The following RGS20 variants were observed in gnomAD, a reference collection of about 807,000 sequenced individuals.
RGS20 encodes regulator of G protein signaling 20.
Under a neutral mutation model 33.6 loss-of-function variants are expected in RGS20, and 30 were observed. The observed-to-expected ratio is 0.89, with a 90% CI of 0.67 to 1.21. The LOEUF is 1.21. Among genes scored for constraint, RGS20 ranks in the 50% most tolerant of loss-of-function variants. RGS20 has a pLI of 0.00. For missense variants in RGS20, 472 were observed against 502.4 expected, an observed-to-expected ratio of 0.94 and a Z score of 0.58; for synonymous variants, 208 against 197.9, an observed-to-expected ratio of 1.05 and a Z score of -0.43.
intron 5 of RGS20, among the ~76,000 whole-genome samples, chr8:53,957,331 T>C (rs1159143699): frequency 8.5e-5 from 13 of 152,204 alleles, no homozygotes; most frequent in African/African-American, 3.1e-4. Context: ...TTTTGCCATG[T>C]TGGCCAGGCT....
intron 2 of RGS20, among the ~76,000 whole-genome samples, chr8:53,922,747 G>A (rs997773802): frequency 3.3e-5 from 5 of 151,968 alleles, no homozygotes; most frequent in African/African-American, 9.7e-5. Flanking sequence ...ATCATAGCTC[G>A]AACTCCTGGG....
At chr8:53,910,297 C>T (rs1328489965) in intron 2 of RGS20, among the ~76,000 whole-genome samples, 1 of 152,102 alleles carries the variant, frequency 6.6e-6, no homozygotes, top group Admixed American at 6.6e-5. Flanking sequence ...TACCAAGACC[C>T]TCCACCAAGG....
At chr8:53,952,987 T>C (rs1814753918) in intron 4 of RGS20, among the ~76,000 whole-genome samples, 1 of 152,136 alleles carries the variant, frequency 6.6e-6, no homozygotes, top group Non-Finnish European at 1.5e-5. Context: ...ACATTATCAG[T>C]GCTGTTCTGG....
chr8:53,884,609 G>T (rs1197860816), intron 2 of RGS20, among the ~76,000 whole-genome samples: 2 of 152,174 alleles, frequency 1.3e-5, no homozygotes, highest in Non-Finnish European at 2.9e-5. Context: ...CTGGGCCAGA[G>T]ATCTCCAGCT....
intron 1 of RGS20, among the ~76,000 whole-genome samples, chr8:53,863,403 G>T (rs1242762850): frequency 6.6e-6 from 1 of 152,178 alleles, no homozygotes; most frequent in Non-Finnish European, 1.5e-5. Context: ...GGGCCCAAGA[G>T]CAGATGGGCT....
chr8:53,888,235 A>G (rs2129276825), intron 2 of RGS20, among the ~76,000 whole-genome samples: 2 of 152,338 alleles, frequency 1.3e-5, no homozygotes, highest in South Asian at 4.1e-4. Flanking sequence ...TTCAGTTGTT[A>G]GGACTGTTTA....
intron 2 of RGS20, among the ~76,000 whole-genome samples, chr8:53,914,120 T>G (rs1563392515): frequency 6.7e-6 from 1 of 148,982 alleles, no homozygotes. Flanking sequence ...AGCCTCAAAC[T>G]TCTGGGCTAA....
chr8:53,952,100 CAG>C (rs1334900341), intron 4 of RGS20, among the ~76,000 whole-genome samples: 1 of 145,228 alleles, frequency 6.9e-6, no homozygotes, highest in East Asian at 2.2e-4. Flanking sequence ...TTTTTTGAGA[CAG>C]AGTCTTACTC....
In RGS20 at chr8:53,856,616, G is replaced by A. The variant is rs1185288242; in HGVS notation, c.165+4552G>A. 2.6e-5 allele frequency among the ~76,000 whole-genome samples: 4 copies of A among 152,188 alleles called. 1 individual carries two copies. Among genetic ancestry groups the A allele is most frequent in the Admixed American group, 1.3e-4 (2 of 15,284 alleles). On this transcript the variant is annotated intron_variant, in intron 1 of 5. Coordinates refer to ENST00000297313, the MANE Select transcript of RGS20 (RefSeq NM_170587.4). ...TGAACTCTAGCCAGCAGTTTTTCTA[G>A]ACAATCGACATGAGGAAGAGAAAGC...
At chr8:53,911,022 G>A (rs1175976081) in intron 2 of RGS20, among the ~76,000 whole-genome samples, 7 of 152,136 alleles carry the variant, frequency 4.6e-5, no homozygotes, top group Non-Finnish European at 8.8e-5. Context: ...AAAGGCTGTG[G>A]ATAAAAAATC....
intron 2 of RGS20, among the ~76,000 whole-genome samples, chr8:53,893,323 A>G (rs1044833720): frequency 5.3e-5 from 8 of 152,146 alleles, no homozygotes; most frequent in African/African-American, 1.9e-4. Context: ...TCTTGAAAAA[A>G]AAATACTATA....
chr8:53,857,405 G>T (rs1301298739), intron 1 of RGS20, among the ~76,000 whole-genome samples: 1 of 152,138 alleles, frequency 6.6e-6, no homozygotes, highest in Non-Finnish European at 1.5e-5. Context: ...AAGACCTTGG[G>T]TATGCTCTTT....
intron 2 of RGS20, chr8:53,887,156 A>G (rs1812572757): frequency 6.2e-6 from 1 of 160,798 alleles, no homozygotes; most frequent in African/African-American, 2.4e-5. Context: ...ATTTTCATCC[A>G]CCTTATAGTA....
rs1813976771 is a variant in RGS20, at chr8:53,931,871, CAG to C, written c.511-7703_511-7702del. On this transcript the variant is annotated intron_variant, in intron 2 of 5. Transcript: ENST00000297313. ...CCATAAGGGACAGAGCACTCCGACC[CAG>C]ACAGTACTCTTTTCCCACAGTCTTT... is the stretch of plus-strand genomic sequence containing the variant. Among the ~76,000 whole-genome samples, 3 of 152,260 alleles carry C rather than the reference CAG, an allele frequency of 2.0e-5. No individual in the cohort carries two copies. In the South Asian group the frequency reaches 6.2e-4, roughly 32 times the overall value.
intron 2 of RGS20, among the ~76,000 whole-genome samples, chr8:53,924,276 G>A (rs538222841): frequency 4.6e-5 from 7 of 151,856 alleles, no homozygotes; most frequent in Admixed American, 6.6e-5. Flanking sequence ...AGCAACCTCC[G>A]CCTCCCGGGT....
intron 2 of RGS20, among the ~76,000 whole-genome samples, chr8:53,884,434 C>T (rs974753780): frequency 1.3e-5 from 2 of 152,094 alleles, no homozygotes; most frequent in African/African-American, 4.8e-5. Flanking sequence ...TTAAGAGAAT[C>T]TGAAAATGTA....
At chr8:53,893,456 A>G (rs993314741) in intron 2 of RGS20, among the ~76,000 whole-genome samples, 8 of 152,216 alleles carry the variant, frequency 5.3e-5, no homozygotes, top group Non-Finnish European at 1.2e-4. Context: ...TGTGTCCCCA[A>G]GGCCTTGGAC....
At chr8:53,902,455 G>A (rs1001087348) in intron 2 of RGS20, among the ~76,000 whole-genome samples, 2 of 152,250 alleles carry the variant, frequency 1.3e-5, no homozygotes, top group African/African-American at 4.8e-5. Flanking sequence ...AACACATTCT[G>A]TGAGTGTTCC....
intron 2 of RGS20, among the ~76,000 whole-genome samples, chr8:53,934,274 T>G (rs1489632956): frequency 1.3e-5 from 2 of 152,190 alleles, no homozygotes. Flanking sequence ...AGCTTAAATG[T>G]AAACAGGCTA....
Sources: gnomAD v4.1 joint callset for allele counts (sites outside exome capture counted in the v4.1 genomes callset) on GRCh38, gnomAD v4.1.1 for gene constraint, MANE v1.5 for transcripts, NCBI Gene and HGNC (gene_info 2026-07-23, HGNC 2026-07-21) for gene names.